The following ITGB3BP variants were observed in gnomAD, a reference collection of about 807,000 sequenced individuals.
ITGB3BP encodes the protein integrin subunit beta 3 binding protein.
ITGB3BP carries 27 observed loss-of-function variants against 29.1 expected under a neutral mutation model. That is an observed-to-expected ratio of 0.93 (90% CI 0.68 to 1.28). The LOEUF (loss-of-function observed/expected upper bound fraction) is 1.28. ITGB3BP is among the 50% of genes most tolerant of loss of function. The pLI is 0.00. For missense variants in ITGB3BP, 192 were observed against 200.2 expected, an observed-to-expected ratio of 0.96 and a Z score of 0.25; for synonymous variants, 61 against 61.4, an observed-to-expected ratio of 0.99 and a Z score of 0.03.
chr1:63,487,421 C>CACAT (rs1321298830), intron 3 of ITGB3BP, among the ~76,000 whole-genome samples: 1 of 152,028 alleles, frequency 6.6e-6, no homozygotes, highest in Non-Finnish European at 1.5e-5. Context: ...ATAACATACA[C>CACAT]ACATACATAT....
intron 4 of ITGB3BP, among the ~76,000 whole-genome samples, chr1:63,460,920 G>C (rs561210436): frequency 6.6e-6 from 1 of 151,784 alleles, no homozygotes; most frequent in South Asian, 2.1e-4. Context: ...GTGTTTATTG[G>C]CAATTTATAT....
At chr1:63,497,568 T>G in intron 2 of ITGB3BP, among the ~76,000 whole-genome samples, 1 of 152,100 alleles carries the variant, frequency 6.6e-6, no homozygotes, top group Non-Finnish European at 1.5e-5. Flanking sequence ...GGGGGGAGAC[T>G]AAGAAAAGGA....
At chr1:63,509,477 G>A (rs543431994) in intron 1 of ITGB3BP, among the ~76,000 whole-genome samples, 2 of 152,262 alleles carry the variant, frequency 1.3e-5, no homozygotes, top group Admixed American at 1.3e-4. Context: ...ATTGTACTAT[G>A]TTATATTACA....
At chr1:63,469,677 A>G (rs561268214) in intron 4 of ITGB3BP, among the ~76,000 whole-genome samples, 1 of 152,320 alleles carries the variant, frequency 6.6e-6, no homozygotes, top group East Asian at 1.9e-4. Flanking sequence ...TAAAGATACA[A>G]ATGTCCTATA....
At chr1:63,447,113 T>C in intron 7 of ITGB3BP, 1 of 437,700 alleles carries the variant, frequency 2.3e-6, no homozygotes, top group East Asian at 4.2e-5. Context: ...CTTATTACCA[T>C]TGTTAGTACA....
upstream of ITGB3BP, chr1:63,525,546 C>A (rs201443457): frequency 5.0e-4 from 716 of 1,440,440 alleles, 3 homozygotes; most frequent in African/African-American, 9.9e-3. Context: ...CATTGACAAA[C>A]ACATTTTTAA....
intron 4 of ITGB3BP, among the ~76,000 whole-genome samples, chr1:63,460,124 A>G (rs187634899): frequency 3.5e-4 from 54 of 152,278 alleles, no homozygotes; most frequent in Non-Finnish European, 6.6e-4. Context: ...TTTTTTCTAA[A>G]AAAATTTCTT....
chr1:63,516,105 T>C (rs1350640588), intron 1 of ITGB3BP, among the ~76,000 whole-genome samples: 1 of 150,760 alleles, frequency 6.6e-6, no homozygotes, highest in African/African-American at 2.4e-5. Flanking sequence ...CTGGAAATCA[T>C]TATCTTAACT....
chr1:63,521,143 A>C (rs776758604), intron 1 of ITGB3BP, among the ~76,000 whole-genome samples: 14 of 152,178 alleles, frequency 9.2e-5, no homozygotes, highest in Non-Finnish European at 1.9e-4. Context: ...TAGTCTTCCA[A>C]ATACATACCA....
chr1:63,459,621 CTA>C (rs2100528383), intron 4 of ITGB3BP, among the ~76,000 whole-genome samples: 1 of 152,138 alleles, frequency 6.6e-6, no homozygotes, highest in Non-Finnish European at 1.5e-5. Context: ...ACTTTACAAA[CTA>C]TATCTTACTT....
intron 8 of ITGB3BP, among the ~76,000 whole-genome samples, chr1:63,445,994 C>T (rs1644786639): frequency 6.6e-6 from 1 of 152,134 alleles, no homozygotes; most frequent in African/African-American, 2.4e-5. Context: ...ACCTCTGCCT[C>T]CTGGGTTCAA....
chr1:63,505,633 T>C (rs1341182869), intron 2 of ITGB3BP, among the ~76,000 whole-genome samples: 1 of 152,228 alleles, frequency 6.6e-6, no homozygotes, highest in African/African-American at 2.4e-5. Flanking sequence ...TCTTTCCTGC[T>C]TTCTCTTGTG....
chr1:63,480,489 T>G (rs529738112), intron 3 of ITGB3BP, among the ~76,000 whole-genome samples: 1 of 152,216 alleles, frequency 6.6e-6, no homozygotes, highest in African/African-American at 2.4e-5. Flanking sequence ...TGTTTATGAA[T>G]GAACAAGCAA....
intron 2 of ITGB3BP, among the ~76,000 whole-genome samples, chr1:63,501,718 T>G (rs1288504572): frequency 1.3e-5 from 2 of 151,922 alleles, no homozygotes; most frequent in African/African-American, 4.8e-5. Flanking sequence ...AAAAATTAGC[T>G]GGGCATAGAG....
intron 4 of ITGB3BP, among the ~76,000 whole-genome samples, chr1:63,459,536 T>G (rs1195548163): frequency 6.6e-6 from 1 of 152,120 alleles, no homozygotes; most frequent in Non-Finnish European, 1.5e-5. Flanking sequence ...TGGATGACAG[T>G]TGAATTATGA....
At chr1:63,499,239 G>A (rs6676456) in intron 2 of ITGB3BP, among the ~76,000 whole-genome samples, 146,906 of 150,158 alleles carry the variant, frequency 0.98, 71,940 homozygotes, top group Middle Eastern at 1. Flanking sequence ...TCGGCTCACC[G>A]CAACCTCCGT....
intron 4 of ITGB3BP, among the ~76,000 whole-genome samples, chr1:63,458,900 ATT>A (rs1042353547): frequency 6.6e-6 from 1 of 151,892 alleles, no homozygotes; most frequent in African/African-American, 2.4e-5. Flanking sequence ...CAGTTTTCTC[ATT>A]TTTTTACTTC....
At chr1:63,525,593 C>A, upstream of ITGB3BP, 1 of 1,567,966 alleles carries the variant, frequency 6.4e-7, no homozygotes. Context: ...GTCCACGAAG[C>A]GATGCAACTT....
chr1:63,486,095 TTTA>T (rs1264627799), intron 3 of ITGB3BP, among the ~76,000 whole-genome samples: 1 of 152,112 alleles, frequency 6.6e-6, no homozygotes, highest in Non-Finnish European at 1.5e-5. Context: ...ATCATTTCAC[TTTA>T]TTGTTTTATC....
Sources: gnomAD v4.1 joint callset for allele counts (sites outside exome capture counted in the v4.1 genomes callset) on GRCh38, gnomAD v4.1.1 for gene constraint, MANE v1.5 for transcripts, NCBI Gene and HGNC (gene_info 2026-07-23, HGNC 2026-07-21) for gene names.